Variants in AOAH observed in about 807,000 individuals in gnomAD.
The protein encoded by AOAH is acyloxyacyl hydrolase (neutrophil).
Under a neutral mutation model 92.2 loss-of-function variants are expected in AOAH, and 64 were observed. That is an observed-to-expected ratio of 0.69 (90% CI 0.57 to 0.86). AOAH has a LOEUF of 0.86. Ranked by LOEUF, AOAH falls within the 40% of genes least tolerant of loss-of-function variation. The pLI is 0.00. For missense variants in AOAH, 656 were observed against 694.6 expected, an observed-to-expected ratio of 0.94 and a Z score of 0.62; for synonymous variants, 263 against 254.5, an observed-to-expected ratio of 1.03 and a Z score of -0.32.
intron 20 of AOAH, among the ~76,000 whole-genome samples, chr7:36,515,704 C>A (rs896712578): frequency 5.8e-5 from 6 of 104,320 alleles, no homozygotes; most frequent in African/African-American, 1.6e-4. Context: ...TAATCACACA[C>A]CCCCCCACAC....
chr7:36,535,978 AG>A (rs1313953544), intron 16 of AOAH, among the ~76,000 whole-genome samples: 1 of 152,190 alleles, frequency 6.6e-6, no homozygotes, highest in Non-Finnish European at 1.5e-5. Context: ...TTTAGCTACT[AG>A]TAGAGGCTGT....
rs779498572 is a variant in AOAH at position 36,626,011 on chromosome 7, C to G, written c.522-2761G>C. ...TGCAGTCATCCAACATCAGCTGTGA[C>G]TCTTAAGAAAAGTTTTGGAAAAGGC... On this transcript the variant is annotated intron_variant, in intron 6 of 20. Transcript: ENST00000617537. Among the ~76,000 whole-genome samples, 7 of 152,230 alleles carry G rather than the reference C, an allele frequency of 4.6e-5. 1 individual carries two copies. Among genetic ancestry groups the G allele is most frequent in the Non-Finnish European group, 8.8e-5 (6 of 68,044 alleles).
chr7:36,601,295 A>C (rs905332557), intron 11 of AOAH, among the ~76,000 whole-genome samples: 9 of 152,116 alleles, frequency 5.9e-5, no homozygotes, highest in African/African-American at 2.2e-4. Context: ...GATGAGTCTC[A>C]TATTGAGGGA....
At chr7:36,650,411 A>G (rs1794506428) in intron 4 of AOAH, among the ~76,000 whole-genome samples, 1 of 152,160 alleles carries the variant, frequency 6.6e-6, no homozygotes, top group Non-Finnish European at 1.5e-5. Context: ...ATGCAGTTAG[A>G]GGGCAAGTGG....
intron 3 of AOAH, among the ~76,000 whole-genome samples, chr7:36,665,921 C>CT (rs1795508070): frequency 6.6e-6 from 1 of 151,946 alleles, no homozygotes; most frequent in Admixed American, 6.6e-5. Context: ...GCGTATAATT[C>CT]TTTTTAAACA....
chr7:36,634,546 A>G (rs2392459), intron 5 of AOAH, among the ~76,000 whole-genome samples: 30,510 of 152,136 alleles, frequency 0.2, 3,141 homozygotes, highest in African/African-American at 0.23. Flanking sequence ...CTCTTGAGAC[A>G]GGAGTCTTGC....
chr7:36,523,595 G>T (rs1329433825), intron 19 of AOAH, among the ~76,000 whole-genome samples: 1 of 148,674 alleles, frequency 6.7e-6, no homozygotes, highest in Non-Finnish European at 1.5e-5. Context: ...AGCTTGCCTG[G>T]CTCAGTCTTC....
At chr7:36,565,420 C>T (rs149794237) in intron 13 of AOAH, among the ~76,000 whole-genome samples, 46 of 152,206 alleles carry the variant, frequency 3.0e-4, no homozygotes, top group African/African-American at 1.0e-3. Context: ...CTCTTTTCTG[C>T]GGCTTTTAAA....
At chr7:36,670,529 C>G (rs1795849368) in intron 3 of AOAH, among the ~76,000 whole-genome samples, 1 of 152,208 alleles carries the variant, frequency 6.6e-6, no homozygotes, top group Admixed American at 6.5e-5. Flanking sequence ...GGCTGGAGTG[C>G]AGTGGCGTCA....
At chr7:36,638,124 G>A (rs1793648989) in intron 4 of AOAH, among the ~76,000 whole-genome samples, 1 of 152,160 alleles carries the variant, frequency 6.6e-6, no homozygotes, top group African/African-American at 2.4e-5. Context: ...TAAGCACTTT[G>A]GAAACATTAT....
At chr7:36,557,092 C>T (rs894990234) in intron 13 of AOAH, among the ~76,000 whole-genome samples, 1 of 152,164 alleles carries the variant, frequency 6.6e-6, no homozygotes, top group Non-Finnish European at 1.5e-5. Context: ...ATGGTCTTTA[C>T]ATTTTGGCAT....
At chr7:36,670,692 C>G (rs575449219) in intron 3 of AOAH, among the ~76,000 whole-genome samples, 28 of 152,146 alleles carry the variant, frequency 1.8e-4, no homozygotes, top group Admixed American at 3.3e-4. Flanking sequence ...GGCCAGGATG[C>G]TCTCGATCTC....
At chr7:36,712,875 A>T (rs570984746) in intron 1 of AOAH, among the ~76,000 whole-genome samples, 3 of 152,310 alleles carry the variant, frequency 2.0e-5, no homozygotes, top group African/African-American at 7.2e-5. Flanking sequence ...CACTGCAAAA[A>T]CATGACAAAT....
chr7:36,620,351 G>A (rs1235518384), intron 9 of AOAH, among the ~76,000 whole-genome samples: 1 of 151,924 alleles, frequency 6.6e-6, no homozygotes, highest in Non-Finnish European at 1.5e-5. Context: ...CAAGGTGTGA[G>A]TGGTCGGGTA....
At chr7:36,714,667 T>A (rs1455079770) in intron 1 of AOAH, among the ~76,000 whole-genome samples, 1 of 152,174 alleles carries the variant, frequency 6.6e-6, no homozygotes, top group South Asian at 2.1e-4. Context: ...GCAAGGCTGG[T>A]TCAACATATG....
At chr7:36,595,395 T>A (rs1037637261) in intron 11 of AOAH, among the ~76,000 whole-genome samples, 3 of 152,046 alleles carry the variant, frequency 2.0e-5, no homozygotes, top group Admixed American at 6.6e-5. Flanking sequence ...TTGCTAGGTA[T>A]GATGGCATGT....
intron 20 of AOAH, among the ~76,000 whole-genome samples, chr7:36,515,567 ACCC>A (rs144256870): frequency 1.9e-5 from 1 of 52,134 alleles, no homozygotes; most frequent in African/African-American, 8.0e-5. Context: ...ACATAATCAC[ACCC>A]CCCCCACACA....
At chr7:36,699,118 T>G (rs906234602) in intron 1 of AOAH, among the ~76,000 whole-genome samples, 1 of 152,134 alleles carries the variant, frequency 6.6e-6, no homozygotes, top group Admixed American at 6.6e-5. Flanking sequence ...ACATCCTTGT[T>G]GCTGCAAATG....
chr7:36,578,827 G>T (rs1365684758), intron 12 of AOAH, among the ~76,000 whole-genome samples: 2 of 151,916 alleles, frequency 1.3e-5, no homozygotes, highest in Non-Finnish European at 2.9e-5. Flanking sequence ...TTCTCATATT[G>T]CTATAAAGGA....
Sources: allele counts gnomAD v4.1 joint callset (sites outside exome capture counted in the v4.1 genomes callset), GRCh38; gene constraint gnomAD v4.1.1; transcripts MANE v1.5; gene names NCBI Gene and HGNC (gene_info 2026-07-23, HGNC 2026-07-21).